FCHSD2: variants seen among roughly 807,000 people sequenced by gnomAD.
FCHSD2 encodes FCH and double SH3 domains 2, also known as F-BAR and double SH3 domains protein 2.
FCHSD2 carries 38 observed loss-of-function variants against 108.1 expected under a neutral mutation model. The ratio of observed to expected loss-of-function variants is 0.35; its 90% CI spans 0.27 to 0.46. FCHSD2 has a LOEUF of 0.46. Ranked by LOEUF, FCHSD2 falls within the 20% of genes least tolerant of loss-of-function variation. FCHSD2 has a pLI of 1.00. For missense variants in FCHSD2, 751 were observed against 897.8 expected (o/e 0.84, Z 2.09); for synonymous variants, 279 against 314.7 (o/e 0.89, Z 1.20).
chr11:72,845,452 AAAAAAAAAACAAC>A (rs1280826307), intron 14 of FCHSD2, among the ~76,000 whole-genome samples: 2 of 47,410 alleles, frequency 4.2e-5, no homozygotes, highest in South Asian at 1.6e-3. Flanking sequence ...AAAAAAAAAA[AAAAAAAAAACAAC>A]AACAAACAAA....
At chr11:73,014,883 G>T (rs186204721) in intron 4 of FCHSD2, among the ~76,000 whole-genome samples, 2 of 151,430 alleles carry the variant, frequency 1.3e-5, no homozygotes, top group East Asian at 3.9e-4. Flanking sequence ...TCACTCTGTC[G>T]CCCAGGCTGG....
intron 4 of FCHSD2, among the ~76,000 whole-genome samples, chr11:73,003,486 T>C (rs1857668302): frequency 6.7e-6 from 1 of 149,282 alleles, no homozygotes; most frequent in South Asian, 2.1e-4. Context: ...GGTCATAGAG[T>C]GATTTTTTTT....
chr11:73,055,187 A>G (rs1210564588), intron 3 of FCHSD2, among the ~76,000 whole-genome samples: 1 of 152,082 alleles, frequency 6.6e-6, no homozygotes, highest in Non-Finnish European at 1.5e-5. Flanking sequence ...CACCCCCATG[A>G]TTCAATTACC....
At chr11:72,963,484 T>C (rs945112589) in intron 8 of FCHSD2, among the ~76,000 whole-genome samples, 3 of 152,180 alleles carry the variant, frequency 2.0e-5, no homozygotes, top group Non-Finnish European at 4.4e-5. Context: ...AAATTTGCCT[T>C]GCTCAAAAAA....
At chr11:73,097,195 G>A (rs1461525409) in intron 2 of FCHSD2, among the ~76,000 whole-genome samples, 5 of 150,432 alleles carry the variant, frequency 3.3e-5, no homozygotes, top group East Asian at 3.9e-4. Flanking sequence ...GTAGAGATGG[G>A]GTTTCACCAT....
At chr11:72,973,539 G>T (rs1159864892) in intron 8 of FCHSD2, among the ~76,000 whole-genome samples, 1 of 152,180 alleles carries the variant, frequency 6.6e-6, no homozygotes, top group African/African-American at 2.4e-5. Context: ...TAATATCACA[G>T]GGCATGATAC....
intron 9 of FCHSD2, among the ~76,000 whole-genome samples, chr11:72,906,670 T>TA (rs1270456933): frequency 2.0e-5 from 3 of 152,238 alleles, no homozygotes; most frequent in Non-Finnish European, 2.9e-5. Flanking sequence ...CAGCACCATT[T>TA]ATTAAACTGA....
intron 3 of FCHSD2, among the ~76,000 whole-genome samples, chr11:73,083,153 T>C (rs1466857730): frequency 6.6e-6 from 1 of 152,226 alleles, no homozygotes; most frequent in Non-Finnish European, 1.5e-5. Context: ...TATTCATACT[T>C]GTAAATACTT....
At position 73,077,705 on chromosome 11, in the gene FCHSD2, C is replaced by T. The variant is rs143191185; in HGVS notation, c.165+5990G>A. 1.8e-3 allele frequency: 689 copies of T among 375,870 alleles called. 7 individuals are homozygous for T. In the Middle Eastern group the frequency reaches 0.026, roughly 14 times the overall value. The allele number at this position is 375,870 out of a possible 1,614,324, so 23.3% of individuals were successfully genotyped here. A position where few individuals can be genotyped will look rare whatever the true frequency, so the allele number is the denominator to read the frequency against. On this transcript the variant is annotated intron_variant, in intron 3 of 19. Transcript: ENST00000409418. ...AATAAAAAGAAATGAAATACTGATG[C>T]ACACAACAACATAAACTACAAAATA...
At chr11:72,968,134 G>C (rs1321445524) in intron 8 of FCHSD2, among the ~76,000 whole-genome samples, 1 of 151,876 alleles carries the variant, frequency 6.6e-6, no homozygotes, top group Non-Finnish European at 1.5e-5. Flanking sequence ...AGCATATAAG[G>C]CCTTTGGAAT....
intron 2 of FCHSD2, among the ~76,000 whole-genome samples, chr11:73,139,521 G>A (rs973226280): frequency 1.3e-4 from 20 of 152,182 alleles, no homozygotes; most frequent in Non-Finnish European, 2.4e-4. Flanking sequence ...TTATGAATAT[G>A]AGTAACCTCA....
intron 5 of FCHSD2, among the ~76,000 whole-genome samples, chr11:72,999,383 G>T (rs560089565): frequency 1.4e-5 from 2 of 144,140 alleles, no homozygotes; most frequent in South Asian, 2.2e-4. Flanking sequence ...GCAGTGGCAC[G>T]ATCTCAGCTC....
At chr11:72,917,485 T>C (rs910821207) in intron 9 of FCHSD2, among the ~76,000 whole-genome samples, 1 of 152,250 alleles carries the variant, frequency 6.6e-6, no homozygotes, top group African/African-American at 2.4e-5. Flanking sequence ...TCTTTACTAC[T>C]GTAACTTTAT....
At chr11:73,015,711 G>A in intron 4 of FCHSD2, 98 bp downstream of exon 4, 1 of 637,592 alleles carries the variant, frequency 1.6e-6, no homozygotes, top group Non-Finnish European at 2.7e-6. Context: ...GAGGAAAGAA[G>A]TAATTCTTTT....
intron 8 of FCHSD2, among the ~76,000 whole-genome samples, chr11:72,976,383 C>T (rs1480114777): frequency 6.6e-6 from 1 of 152,048 alleles, no homozygotes. Context: ...CCTTCAATTC[C>T]TGGGCTCAAG....
intron 3 of FCHSD2, among the ~76,000 whole-genome samples, chr11:73,044,377 A>C (rs956705568): frequency 6.6e-6 from 1 of 152,180 alleles, no homozygotes; most frequent in Non-Finnish European, 1.5e-5. Context: ...CAGGAGTTTG[A>C]GACCAGCCTG....
At chr11:73,023,286 T>A (rs768500303) in intron 3 of FCHSD2, among the ~76,000 whole-genome samples, 13 of 151,958 alleles carry the variant, frequency 8.6e-5, no homozygotes, top group Non-Finnish European at 1.8e-4. Flanking sequence ...TACTTGCAAA[T>A]CATGTATCTG....
chr11:73,137,893 A>G (rs1861160875), intron 2 of FCHSD2, among the ~76,000 whole-genome samples: 1 of 152,266 alleles, frequency 6.6e-6, no homozygotes, highest in South Asian at 2.1e-4. Flanking sequence ...AGAGAACCAT[A>G]TATACTATGA....
intron 4 of FCHSD2, among the ~76,000 whole-genome samples, chr11:73,013,798 A>G (rs1857911768): frequency 1.3e-5 from 2 of 152,174 alleles, no homozygotes. Flanking sequence ...TTTCTTTGGT[A>G]ACCTGAATCC....
Sources: gnomAD v4.1 joint callset for allele counts (sites outside exome capture counted in the v4.1 genomes callset) on GRCh38, gnomAD v4.1.1 for gene constraint, MANE v1.5 for transcripts, NCBI Gene and HGNC (gene_info 2026-07-23, HGNC 2026-07-21) for gene names.